Variants in SRCAP observed in about 807,000 individuals in gnomAD.
SRCAP encodes the protein chromatin remodeling protein SRCAP.
SRCAP carries 46 observed loss-of-function variants against 263.1 expected under a neutral mutation model. The observed-to-expected ratio is 0.17, with a 90% CI of 0.14 to 0.22. SRCAP has a LOEUF of 0.22. Ranked by LOEUF, SRCAP falls within the 10% of genes least tolerant of loss-of-function variation. SRCAP has a pLI of 1.00. For synonymous variants in SRCAP, 1,813 were observed against 1,662.1 expected (o/e 1.09, Z -2.21); for missense variants, 3,695 against 4,181.9 (o/e 0.88, Z 3.21).
At position 30,711,668 on chromosome 16, in the gene SRCAP, T is replaced by C; in HGVS notation, c.1416T>C (p.Ala472=). 6.2e-7 allele frequency: 1 copy of C among 1,614,016 alleles called. No individual in the cohort carries two copies. Among genetic ancestry groups the C allele is most frequent in the Non-Finnish European group, 8.5e-7 (1 of 1,179,994 alleles). Residue 472 remains alanine (A), a synonymous_variant, in exon 11 of 34, where the codon GCT becomes GCC. Transcript: ENST00000262518. ...ATGAGGATGAAGATGAGGTTGATGC[T>C]AATAGCTCTGACTGTGAACCAGAGG... The part of the protein sequence containing the change: ...SEDEDEDEVD[A]NSSDCEPEGP...
rs766898996 is a variant in SRCAP at position 30,704,068 on chromosome 16, T to C, written c.59T>C (p.Val20Ala). Residue 20 changes from valine (V) to alanine (A), a missense_variant, in exon 4 of 34, where the codon GTG (valine) becomes GCG (alanine). This residue lies in a region of SRCAP where 122 missense variants were observed against 116.9 expected (regional missense o/e 1.04). Coordinates refer to ENST00000262518, the MANE Select transcript of SRCAP (RefSeq NM_006662.3). ...PQLPVLQTQM[V>A]SDGMTGSNPV... ...CATCATTTTCCTCTTTTCTAGATGG[T>C]GTCGGACGGCATGACAGGCAGCAAT... 3 of 1,612,452 alleles carry C rather than the reference T, an allele frequency of 1.9e-6. No homozygotes were observed. The African/African-American group carries it at 4.0e-5, about 22-fold the overall frequency.
intron 18 of SRCAP, among the ~76,000 whole-genome samples, chr16:30,717,160 T>C (rs2052958952): frequency 6.6e-6 from 1 of 152,194 alleles, no homozygotes; most frequent in Non-Finnish European, 1.5e-5. Flanking sequence ...TGTGAATTGG[T>C]ATTTCATTGT....
At chr16:30,701,858 C>T (rs953880880) in intron 3 of SRCAP, among the ~76,000 whole-genome samples, 3 of 151,750 alleles carry the variant, frequency 2.0e-5, no homozygotes, top group Non-Finnish European at 4.4e-5. Context: ...TCTTGAACTC[C>T]TGACCTCAGG....
intron 3 of SRCAP, among the ~76,000 whole-genome samples, chr16:30,702,414 A>T (rs1158349952): frequency 6.6e-6 from 1 of 151,692 alleles, no homozygotes; most frequent in Non-Finnish European, 1.5e-5. Flanking sequence ...CTGTGTTTTT[A>T]GTAGAGATGG....
At chr16:30,708,326 G>A (rs1044776816) in intron 6 of SRCAP, among the ~76,000 whole-genome samples, 7 of 151,934 alleles carry the variant, frequency 4.6e-5, no homozygotes, top group African/African-American at 1.5e-4. Flanking sequence ...TTCCTGCCTC[G>A]ATCTCCCAAG....
In SRCAP at chr16:30,738,588, G is replaced by T. The variant is rs146681342; in HGVS notation, c.8548G>T (p.Ala2850Ser). Reference sequence around the variant, plus strand: ...CGAGAATGGAGACGGAGCACTGCTCGCCATCACCCCACCTGCTGTGAAACG... The same window carrying T: ...CGAGAATGGAGACGGAGCACTGCTCTCCATCACCCCACCTGCTGTGAAACG... Reference protein sequence around the residue: ...SPENGDGALLAITPPAVKRRR... With the variant: ...SPENGDGALLSITPPAVKRRR... The change falls in exon 34 of 34, where the codon GCC becomes TCC. Residue 2850 changes from alanine to serine, a missense_variant. Ala to Ser is a moderately conservative substitution (Grantham distance 99). Around this residue, in one of 12 missense-constraint regions of SRCAP, gnomAD observed 1,207 missense variants for 1,142.9 expected, o/e 1.06. Coordinates refer to ENST00000262518, the MANE Select transcript of SRCAP (RefSeq NM_006662.3). The T allele has an allele frequency of 8.1e-5, 130 of 1,604,988 alleles. 1 individual carries two copies. The highest frequency in any genetic ancestry group is 4.4e-4 in the Admixed American group (26 of 58,428).
chr16:30,730,582 C>A (rs1171234981), intron 27 of SRCAP, among the ~76,000 whole-genome samples: 1 of 152,112 alleles, frequency 6.6e-6, no homozygotes, highest in Non-Finnish European at 1.5e-5. Context: ...CAGGTGCACA[C>A]CACCACACCC....
At position 30,716,456 on chromosome 16, in the gene SRCAP, G is replaced by A; in HGVS notation, c.2794G>A (p.Ala932Thr). 2.5e-6 allele frequency: 4 copies of A among 1,613,452 alleles called. No individual in the cohort carries two copies. The South Asian group carries it at 4.4e-5, about 18-fold the overall frequency. Residue 932 changes from alanine (A) to threonine (T), a missense_variant, in exon 18 of 34, where the codon GCC becomes ACC. Physicochemically the swap from Ala to Thr is moderately conservative, Grantham distance 58 (BLOSUM62 0). Coordinates refer to ENST00000262518, the MANE Select transcript of SRCAP (RefSeq NM_006662.3). ...CFSTASLVLR[A>T]TDVHPLQRID... Reference sequence around the variant, plus strand: ...CAGCACCGCCTCTCTGGTGCTAAGGGCCACGGATGTCCATCCCCTCCAGGT... The same window carrying A: ...CAGCACCGCCTCTCTGGTGCTAAGGACCACGGATGTCCATCCCCTCCAGGT...
Position 30,724,017 on chromosome 16 carries a change from T to A in SRCAP, c.4593T>A (p.Ser1531=), listed in dbSNP as rs1225382096. 2 of 1,614,028 alleles carry A rather than the reference T, an allele frequency of 1.2e-6. No individual in the cohort carries two copies. The highest frequency in any genetic ancestry group is 1.7e-6 in the Non-Finnish European group (2 of 1,179,996). The change falls in exon 25 of 34, where the codon TCT becomes TCA. Residue 1531 remains serine, a synonymous_variant. Transcript: ENST00000262518. ...ACCCTCTGTTGTTGGCTCCCACCTCTTCACATGTTCCAGGGTTGAACTCAA... is the reference window on the plus strand; with the variant it reads ...ACCCTCTGTTGTTGGCTCCCACCTCATCACATGTTCCAGGGTTGAACTCAA... ...PGHPLLLAPT[S]SHVPGLNSTV...
chr16:30,705,872 T>G (rs1394874112), intron 4 of SRCAP, among the ~76,000 whole-genome samples: 2 of 152,060 alleles, frequency 1.3e-5, no homozygotes, highest in African/African-American at 4.8e-5. Context: ...GCCTGGCTAA[T>G]TTTTTGTGTT....
In SRCAP at chr16:30,724,731, T is replaced by G. The variant is rs2053046376; in HGVS notation, c.5307T>G (p.Thr1769=). 6.2e-7 allele frequency: 1 copy of G among 1,614,066 alleles called. No homozygotes were observed. Residue 1769 remains threonine (T), a synonymous_variant, in exon 25 of 34, where the codon ACT becomes ACG. Transcript: ENST00000262518. ...GCCCAGCCCCAGCTCACACGCTGAC[T>G]TTGGCTCCAGCATCGTCATCTGCTT... is the stretch of plus-strand genomic sequence containing the variant. ...PVGPAPAHTL[T]LAPASSSASL...
At position 30,703,912 on chromosome 16, in the gene SRCAP, A is replaced by T. The variant is rs537004259; in HGVS notation, c.55-152A>T. Reference sequence around the variant, plus strand: ...ACTCCATCTCAAAAAAATAAAATAAAAACTTTATCCCGAACGTTTGTGTTT... The same window carrying T: ...ACTCCATCTCAAAAAAATAAAATAATAACTTTATCCCGAACGTTTGTGTTT... On this transcript the variant is annotated intron_variant, in intron 3 of 33. Coordinates refer to ENST00000262518, the MANE Select transcript of SRCAP (RefSeq NM_006662.3). 50 of 988,116 alleles carry T rather than the reference A, an allele frequency of 5.1e-5. No individual in the cohort carries two copies. The African/African-American group carries it at 7.6e-4, about 15-fold the overall frequency. The allele number at this position is 988,116 out of a possible 1,614,324, so 61.2% of individuals were successfully genotyped here.
At chr16:30,728,288 G>A (rs953941487) in intron 25 of SRCAP, among the ~76,000 whole-genome samples, 2 of 152,186 alleles carry the variant, frequency 1.3e-5, no homozygotes, top group African/African-American at 2.4e-5. Context: ...GGGGCCTACC[G>A]TGTAGTGGAT....
chr16:30,715,995 T>C (rs2052945238), intron 16 of SRCAP, 71 bp from the exon 17 acceptor site: 1 of 1,599,782 alleles, frequency 6.3e-7, no homozygotes, highest in Admixed American at 1.7e-5. Flanking sequence ...CATTAGTGTT[T>C]GCTGAGGGGC....
In SRCAP at chr16:30,739,961, GTGGCAAGATAGTCT is replaced by G; in HGVS notation, c.*229_*242del. On this transcript the variant is annotated 3_prime_UTR_variant, in exon 34 of 34. Transcript: ENST00000262518. ...CCCACGTGGCTGGGCAGTGTTAAGG[GTGGCAAGATAGTCT>G]CTGTCCCCACCCCCTTGTACTTGAT... 1.8e-6 allele frequency: 1 copy of G among 564,032 alleles called. No homozygotes were observed. Among genetic ancestry groups the G allele is most frequent in the Non-Finnish European group, 2.7e-6 (1 of 364,298 alleles). 34.9% of individuals were successfully genotyped at this position (564,032 alleles called of 1,614,324 possible).
chr16:30,734,954 C>G (rs990326877), intron 31 of SRCAP, among the ~76,000 whole-genome samples: 1 of 152,170 alleles, frequency 6.6e-6, no homozygotes, highest in African/African-American at 2.4e-5. Context: ...AATCCCAGCA[C>G]TTTGGGAGGC....
At chr16:30,700,587 C>CT (rs746816750) in intron 2 of SRCAP, 29 bp from the exon 3 acceptor site, 6,621 of 347,196 alleles carry the variant, frequency 0.019, 3 homozygotes, top group East Asian at 0.025. Flanking sequence ...GCATTTCTGT[C>CT]TTTTTTTTTT....
Position 30,728,926 on chromosome 16 carries a change from T to C in SRCAP, c.5659-40T>C, listed in dbSNP as rs202216608. 74 of 1,581,062 alleles carry C rather than the reference T, an allele frequency of 4.7e-5. No homozygotes were observed. In the East Asian group the frequency reaches 1.6e-3, roughly 35 times the overall value. ...AACAGTCAGGTTTTGATGTGGACTC[T>C]GAGGGTGCTGATTACTTCCTCTTTT... On this transcript the variant is annotated intron_variant, in intron 25 of 33. Coordinates refer to ENST00000262518, the MANE Select transcript of SRCAP (RefSeq NM_006662.3).
At chr16:30,705,849 C>A (rs960607611) in intron 4 of SRCAP, among the ~76,000 whole-genome samples, 1 of 152,072 alleles carries the variant, frequency 6.6e-6, no homozygotes, top group Admixed American at 6.5e-5. Context: ...TGGGACTAAG[C>A]GCTCGCCACT....
Sources: allele counts gnomAD v4.1 joint callset (sites outside exome capture counted in the v4.1 genomes callset), GRCh38; gene constraint gnomAD v4.1.1; regional missense constraint gnomAD v4.1.1; transcripts MANE v1.5; gene names NCBI Gene and HGNC (gene_info 2026-07-23, HGNC 2026-07-21).